Variants in ATP13A5 observed in about 807,000 individuals in gnomAD.
ATP13A5 encodes ATPase 13A5.
ATP13A5 carries 149 observed loss-of-function variants against 150.2 expected under a neutral mutation model. That is an observed-to-expected ratio of 0.99 (90% confidence interval 0.87 to 1.14). ATP13A5 has a LOEUF of 1.14. Among genes scored for constraint, ATP13A5 ranks in the 50% most tolerant of loss-of-function variants. The pLI is 0.00. For synonymous variants in ATP13A5, 497 were observed against 522.2 expected, an observed-to-expected ratio of 0.95 and a Z score of 0.66; for missense variants, 1,383 against 1,449.3, an observed-to-expected ratio of 0.95 and a Z score of 0.74.
At position 193,305,592 on chromosome 3, in the gene ATP13A5, G is replaced by A. The variant is rs769315853; in HGVS notation, c.2645C>T (p.Thr882Ile). ...ATGAGGCACACACTGGATGTTGGTT[G>A]TTTTAGAGGTAAAAGGGGATGCCAC... ...ASVASPFTSK[T>I]TNIQCVPHLI... The change falls in exon 23 of 30, where the codon ACA (threonine) becomes ATA (isoleucine). Residue 882 changes from threonine to isoleucine, a missense_variant. Around this residue, in one of 3 missense-constraint regions of ATP13A5, gnomAD observed 568 missense variants for 621.5 expected, o/e 0.91. Transcript: ENST00000342358. 7 of 1,613,908 alleles carry A rather than the reference G, an allele frequency of 4.3e-6. No individual in the cohort carries two copies. In the South Asian group the frequency reaches 4.4e-5, roughly 10 times the overall value.
chr3:193,290,872 G>A (rs188897876), intron 25 of ATP13A5, among the ~76,000 whole-genome samples: 4 of 152,270 alleles, frequency 2.6e-5, no homozygotes, highest in Non-Finnish European at 5.9e-5. Flanking sequence ...AAGGAAGCAT[G>A]AGGAGGACAG....
intron 21 of ATP13A5, among the ~76,000 whole-genome samples, chr3:193,309,857 T>C (rs943061792): frequency 6.6e-6 from 1 of 152,214 alleles, no homozygotes; most frequent in Admixed American, 6.5e-5. Flanking sequence ...TTGAATTTTT[T>C]TTTAATCCCC....
rs138813612 is a variant in ATP13A5 at position 193,313,068 on chromosome 3, T to C, written c.2319+965A>G. ...TGTTAGTTAAAATTCACAAAGGACCTGGGTTACAGCATGCAGTGAAATTCA... is the reference window on the plus strand; with the variant it reads ...TGTTAGTTAAAATTCACAAAGGACCCGGGTTACAGCATGCAGTGAAATTCA... On this transcript the variant is annotated intron_variant, in intron 19 of 29. Transcript: ENST00000342358. 4 of 152,238 alleles carry C rather than the reference T, an allele frequency of 2.6e-5. No homozygotes were observed. The East Asian group carries it at 7.7e-4, about 29-fold the overall frequency. The allele number at this position is 152,238 out of a possible 1,614,324, so 9.4% of individuals were successfully genotyped here.
At chr3:193,359,729 CT>C (rs1183337062) in intron 5 of ATP13A5, among the ~76,000 whole-genome samples, 2 of 152,066 alleles carry the variant, frequency 1.3e-5, no homozygotes. Context: ...TCTATCAAAG[CT>C]TTTTTTCTTC....
chr3:193,351,722 G>A (rs1415237967), intron 6 of ATP13A5, among the ~76,000 whole-genome samples: 1 of 152,158 alleles, frequency 6.6e-6, no homozygotes, highest in Non-Finnish European at 1.5e-5. Flanking sequence ...TCACATAAGA[G>A]TCAGCCAAGT....
chr3:193,279,791 C>G (rs987671308), intron 27 of ATP13A5, among the ~76,000 whole-genome samples: 1 of 151,846 alleles, frequency 6.6e-6, no homozygotes, highest in African/African-American at 2.4e-5. Flanking sequence ...CTCATTCTTC[C>G]CCGTTGCCTG....
chr3:193,276,925 CTCTG>C, intron 28 of ATP13A5, 95 bp from the exon 29 acceptor site: 1 of 943,902 alleles, frequency 1.1e-6, no homozygotes, highest in Non-Finnish European at 1.6e-6. Flanking sequence ...TGTAATAACT[CTCTG>C]AGCTTAGTGG....
chr3:193,288,326 T>G (rs975721682), intron 26 of ATP13A5, among the ~76,000 whole-genome samples: 24 of 152,122 alleles, frequency 1.6e-4, no homozygotes, highest in African/African-American at 5.1e-4. Context: ...AAATATCTCA[T>G]GAAAGGAAGA....
At chr3:193,315,185 T>C (rs1337566348) in intron 17 of ATP13A5, 89 bp from the exon 18 acceptor site, 4 of 1,336,546 alleles carry the variant, frequency 3.0e-6, no homozygotes, top group Non-Finnish European at 1.0e-6. Context: ...TTTATAAGTT[T>C]TATTAATGCA....
intron 3 of ATP13A5, 137 bp from the exon 4 acceptor site, chr3:193,362,774 T>C (rs1475318210): frequency 7.5e-5 from 33 of 442,188 alleles, no homozygotes; most frequent in African/African-American, 3.8e-4. Context: ...TCTTTCTTTC[T>C]TTCTTTCTTT....
chr3:193,365,369 A>C (rs146722491), intron 1 of ATP13A5, among the ~76,000 whole-genome samples: 12 of 152,226 alleles, frequency 7.9e-5, no homozygotes, highest in Admixed American at 7.8e-4. Context: ...CAACACTATC[A>C]TCCACCTGAG....
chr3:193,343,814 T>G, intron 9 of ATP13A5, 113 bp downstream of exon 9: 3 of 1,269,530 alleles, frequency 2.4e-6, no homozygotes, highest in Non-Finnish European at 3.2e-6. Flanking sequence ...TGGCTGTGTC[T>G]CCCTCACCTA....
Position 193,313,990 on chromosome 3 carries a change from C to T in ATP13A5, c.2319+43G>A. The stretch of plus-strand genomic sequence containing the variant: ...GCTGAGCAGTGCCAGGACTGTATTC[C>T]ATCAGTCTAGGCCCACGGAGGGGCC... On this transcript the variant is annotated intron_variant, in intron 19 of 29. Coordinates refer to ENST00000342358, the MANE Select transcript of ATP13A5 (RefSeq NM_198505.4). 6 of 1,600,172 alleles carry T rather than the reference C, an allele frequency of 3.7e-6. No individual in the cohort carries two copies. In the South Asian group the frequency reaches 6.7e-5, roughly 18 times the overall value.
chr3:193,302,939 G>A (rs1463782443), intron 23 of ATP13A5, among the ~76,000 whole-genome samples: 2 of 152,136 alleles, frequency 1.3e-5, no homozygotes, highest in African/African-American at 4.8e-5. Flanking sequence ...TGAGCCATCT[G>A]CCACTGGAGA....
At chr3:193,374,586 A>G (rs985509890) in intron 1 of ATP13A5, among the ~76,000 whole-genome samples, 4 of 150,306 alleles carry the variant, frequency 2.7e-5, no homozygotes, top group African/African-American at 9.8e-5. Flanking sequence ...TTGAGGCTGC[A>G]GTGAGCTATG....
At chr3:193,349,882 C>A (rs1015358642) in intron 7 of ATP13A5, among the ~76,000 whole-genome samples, 1 of 151,994 alleles carries the variant, frequency 6.6e-6, no homozygotes, top group African/African-American at 2.4e-5. Context: ...GATGCAGTAA[C>A]CTGGCTTTTG....
rs202011038 is a variant in ATP13A5, at chr3:193,314,952, C to A, written c.2158+20G>T. The A allele has an allele frequency of 6.2e-7, 1 of 1,607,378 alleles. No individual in the cohort carries two copies. Among genetic ancestry groups the A allele is most frequent in the East Asian group, 2.2e-5 (1 of 44,602 alleles). ...CTAGGATACAATCAACTTGCCAGGCCCCTAGAAACAAATACATACCTGTAA... is the reference window on the plus strand; with the variant it reads ...CTAGGATACAATCAACTTGCCAGGCACCTAGAAACAAATACATACCTGTAA... On this transcript the variant is annotated intron_variant, in intron 18 of 29. Transcript: ENST00000342358.
At chr3:193,320,886 A>G (rs1356125241) in intron 16 of ATP13A5, among the ~76,000 whole-genome samples, 1 of 152,252 alleles carries the variant, frequency 6.6e-6, no homozygotes, top group Admixed American at 6.5e-5. Context: ...TGGCCCAGAA[A>G]GATGAAATTG....
intron 6 of ATP13A5, among the ~76,000 whole-genome samples, 197 bp downstream of exon 6, chr3:193,353,930 G>T (rs973844615): frequency 1.5e-5 from 2 of 136,562 alleles, no homozygotes; most frequent in Admixed American, 7.3e-5. Context: ...ACAAACAGGA[G>T]ATTATGAGGC....
Sources: allele counts gnomAD v4.1 joint callset (sites outside exome capture counted in the v4.1 genomes callset), GRCh38; gene constraint gnomAD v4.1.1; regional missense constraint gnomAD v4.1.1; transcripts MANE v1.5; gene names NCBI Gene and HGNC (gene_info 2026-07-23, HGNC 2026-07-21).